ZC3H12B: variants seen among roughly 807,000 people sequenced by gnomAD.
The protein encoded by ZC3H12B is zinc finger CCCH-type containing 12B.
Under a neutral mutation model 43.9 loss-of-function variants are expected in ZC3H12B, and 7 were observed. That is an observed-to-expected ratio of 0.16 (90% CI 0.09 to 0.30). ZC3H12B has a LOEUF of 0.30. Among genes scored for constraint, ZC3H12B ranks in the 10% least tolerant of loss-of-function variants. ZC3H12B has a pLI of 1.00. For missense variants in ZC3H12B, 475 were observed against 670.2 expected (o/e 0.71, Z 3.22); for synonymous variants, 222 against 241.7 (o/e 0.92, Z 0.76).
the ZC3H12B span, among the ~76,000 whole-genome samples, chrX:65,179,757 G>C: frequency 2.7e-5 from 3 of 111,480 alleles, no homozygotes; most frequent in African/African-American, 9.7e-5. Context: ...GAAAATCTAG[G>C]AGAAATGGAT....
At chrX:65,241,805 C>T in the ZC3H12B span, among the ~76,000 whole-genome samples, 1 of 111,559 alleles carries the variant, frequency 9.0e-6, no homozygotes, top group Non-Finnish European at 1.9e-5. Context: ...GGAGGTGGGG[C>T]CTACAAAACA....
At chrX:65,154,256 T>A in the ZC3H12B span, among the ~76,000 whole-genome samples, 1 of 110,658 alleles carries the variant, frequency 9.0e-6, no homozygotes, top group African/African-American at 3.3e-5. Flanking sequence ...AAAAATAAAT[T>A]AAAAAAAATT....
the ZC3H12B span, among the ~76,000 whole-genome samples, chrX:65,103,573 A>G: frequency 8.9e-6 from 1 of 112,210 alleles, no homozygotes; most frequent in Middle Eastern, 4.6e-3. Context: ...AGTATTGATT[A>G]TGGAAGTGAT....
the ZC3H12B span, among the ~76,000 whole-genome samples, chrX:65,304,154 G>T: frequency 8.9e-6 from 1 of 112,076 alleles, no homozygotes; most frequent in African/African-American, 3.2e-5. Context: ...ACTTATTTAA[G>T]ACAGTGTGGT....
chrX:65,392,234 G>A (rs1184190643), intron 2 of ZC3H12B, among the ~76,000 whole-genome samples: 1 of 111,178 alleles, frequency 9.0e-6, no homozygotes, highest in African/African-American at 3.3e-5. Flanking sequence ...CAATCATCTG[G>A]GATGTGAGGA....
chrX:65,204,825 A>G, the ZC3H12B span, among the ~76,000 whole-genome samples: 1 of 111,779 alleles, frequency 8.9e-6, no homozygotes, highest in Non-Finnish European at 1.9e-5. Context: ...GTTTCAATGG[A>G]TTTTCTATAT....
At chrX:65,039,367 C>CA in the ZC3H12B span, among the ~76,000 whole-genome samples, 1 of 111,443 alleles carries the variant, frequency 9.0e-6, no homozygotes, top group African/African-American at 3.3e-5. Flanking sequence ...TTTTAAAATG[C>CA]AATAAATATT....
At chrX:65,481,392 A>C (rs1168228347) in intron 3 of ZC3H12B, among the ~76,000 whole-genome samples, 1 of 112,025 alleles carries the variant, frequency 8.9e-6, no homozygotes, top group Non-Finnish European at 1.9e-5. Flanking sequence ...TATTTATTTT[A>C]GAACCCTCAG....
the ZC3H12B span, among the ~76,000 whole-genome samples, chrX:65,355,200 G>A: frequency 1.8e-5 from 2 of 111,093 alleles, no homozygotes; most frequent in Non-Finnish European, 3.8e-5. Flanking sequence ...AAATGTTAAG[G>A]GCAGCCAGAG....
At chrX:65,067,805 A>C in the ZC3H12B span, among the ~76,000 whole-genome samples, 2 of 108,725 alleles carry the variant, frequency 1.8e-5, no homozygotes, top group East Asian at 2.9e-4. Context: ...TTGCTTTTGT[A>C]GTTCTTTATG....
At chrX:65,126,970 A>G in the ZC3H12B span, among the ~76,000 whole-genome samples, 1 of 110,363 alleles carries the variant, frequency 9.1e-6, no homozygotes, top group Non-Finnish European at 1.9e-5. Context: ...GATTAGCTTA[A>G]TATTCGACCT....
At chrX:65,378,290 A>G (rs1024141769) in intron 2 of ZC3H12B, among the ~76,000 whole-genome samples, 1 of 111,854 alleles carries the variant, frequency 8.9e-6, no homozygotes, top group Non-Finnish European at 1.9e-5. Flanking sequence ...AGATATAAAT[A>G]GAAATTGAAA....
the ZC3H12B span, among the ~76,000 whole-genome samples, chrX:65,346,892 G>T: frequency 5.3e-5 from 6 of 112,344 alleles, no homozygotes; most frequent in Admixed American, 9.4e-5. Context: ...AGACTTAAAC[G>T]TCCCTGCCTG....
upstream of ZC3H12B, among the ~76,000 whole-genome samples, chrX:65,485,923 C>T (rs1166984912): frequency 8.9e-6 from 1 of 112,020 alleles, no homozygotes; most frequent in Non-Finnish European, 1.9e-5. Context: ...TCACTATAAG[C>T]TCCTTGAGAT....
chrX:65,390,510 A>G (rs150027872), intron 2 of ZC3H12B, among the ~76,000 whole-genome samples: 5 of 111,838 alleles, frequency 4.5e-5, no homozygotes, highest in African/African-American at 1.6e-4. Context: ...AAAGTGGTCA[A>G]TTCAGCAGGA....
chrX:65,303,896 A>C, the ZC3H12B span, among the ~76,000 whole-genome samples: 1 of 112,587 alleles, frequency 8.9e-6, no homozygotes, highest in African/African-American at 3.2e-5. Flanking sequence ...AAAGAAGACC[A>C]CATAAAATAG....
the ZC3H12B span, among the ~76,000 whole-genome samples, chrX:65,137,118 T>C: frequency 4.4e-5 from 5 of 112,378 alleles, no homozygotes; most frequent in Admixed American, 1.9e-4. Flanking sequence ...CAAACCTTTA[T>C]TTAATTATAC....
chrX:65,484,572 GCTGT>G (rs2068102731), upstream of ZC3H12B, among the ~76,000 whole-genome samples: 1 of 112,107 alleles, frequency 8.9e-6, no homozygotes, highest in African/African-American at 3.2e-5. Context: ...GGGAAGGGCA[GCTGT>G]CTAAGTAGGC....
chrX:65,086,886 C>T, the ZC3H12B span, among the ~76,000 whole-genome samples: 1 of 111,888 alleles, frequency 8.9e-6, no homozygotes, highest in African/African-American at 3.3e-5. Context: ...GGATAGCATC[C>T]TAAGCTTGTT....
Sources: allele counts gnomAD v4.1 joint callset (sites outside exome capture counted in the v4.1 genomes callset), GRCh38; gene constraint gnomAD v4.1.1; transcripts MANE v1.5; gene names NCBI Gene and HGNC (gene_info 2026-07-23, HGNC 2026-07-21).